Variants in TBCK observed in about 807,000 individuals in gnomAD.
The protein encoded by TBCK is TBC1 domain containing kinase, also known as TBC domain-containing protein kinase-like protein.
A neutral mutation model predicts 113.4 loss-of-function variants in TBCK; 99 were observed. The observed-to-expected ratio is 0.87, with a 90% CI of 0.74 to 1.03. TBCK has a LOEUF of 1.03. Ranked by LOEUF, TBCK falls within the 50% of genes least tolerant of loss-of-function variation. TBCK has a pLI of 0.00. For synonymous variants in TBCK, 369 were observed against 370.8 expected (o/e 1.00, Z 0.05); for missense variants, 1,045 against 1,061.3 (o/e 0.98, Z 0.21).
chr4:106,169,954 C>T (rs1750802906), intron 23 of TBCK, among the ~76,000 whole-genome samples: 1 of 152,014 alleles, frequency 6.6e-6, no homozygotes, highest in African/African-American at 2.4e-5. Flanking sequence ...TGACAGGAAG[C>T]AGCGCTCAGG....
At chr4:106,235,894 C>A (rs1759404512) in intron 14 of TBCK, among the ~76,000 whole-genome samples, 1 of 152,006 alleles carries the variant, frequency 6.6e-6, no homozygotes, top group Non-Finnish European at 1.5e-5. Context: ...TATATGCATT[C>A]AAATTGTTTT....
chr4:106,214,177 C>G (rs900059409), intron 19 of TBCK, among the ~76,000 whole-genome samples: 30 of 152,112 alleles, frequency 2.0e-4, no homozygotes, highest in Non-Finnish European at 3.7e-4. Context: ...AGAAGGAAAA[C>G]TAACAAACAG....
At chr4:106,210,706 A>G (rs1756029112) in intron 20 of TBCK, among the ~76,000 whole-genome samples, 1 of 152,166 alleles carries the variant, frequency 6.6e-6, no homozygotes, top group Non-Finnish European at 1.5e-5. Flanking sequence ...ACAGATTTAT[A>G]AACTTGTAGT....
chr4:106,134,597 T>C (rs1377913022), intron 23 of TBCK, among the ~76,000 whole-genome samples: 1 of 152,244 alleles, frequency 6.6e-6, no homozygotes, highest in Non-Finnish European at 1.5e-5. Flanking sequence ...AGATACGATG[T>C]ACTTCCATTC....
At chr4:106,133,332 T>C (rs1746179519) in intron 23 of TBCK, among the ~76,000 whole-genome samples, 1 of 152,180 alleles carries the variant, frequency 6.6e-6, no homozygotes, top group Non-Finnish European at 1.5e-5. Context: ...AGATGTGACT[T>C]TGCTCCTCAT....
chr4:106,208,896 C>T (rs1258233313), intron 20 of TBCK, among the ~76,000 whole-genome samples: 2 of 152,182 alleles, frequency 1.3e-5, no homozygotes, highest in African/African-American at 4.8e-5. Flanking sequence ...GCATTCCCCT[C>T]ATCCAGACGC....
At chr4:106,177,611 T>C (rs1438211457) in intron 22 of TBCK, among the ~76,000 whole-genome samples, 5 of 152,040 alleles carry the variant, frequency 3.3e-5, no homozygotes, top group African/African-American at 9.7e-5. Flanking sequence ...TGTATATTGT[T>C]GGCACCTGTG....
chr4:106,116,183 ACAG>A lies in TBCK; in HGVS notation c.2411+17_2411+19del. The A allele has an allele frequency of 6.2e-7, 1 of 1,611,670 alleles. No homozygotes were observed. The highest frequency in any genetic ancestry group is 8.5e-7 in the Non-Finnish European group (1 of 1,178,340). On this transcript the variant is annotated intron_variant, in intron 24 of 25. Coordinates refer to ENST00000394708, the MANE Select transcript of TBCK (RefSeq NM_001163435.3). ...CAAATAAGCAGTACCACCCTTTAAA[ACAG>A]CATATGCAAAGGATACTCTTCACTA...
intron 23 of TBCK, among the ~76,000 whole-genome samples, chr4:106,148,255 G>C (rs1054432938): frequency 6.6e-6 from 1 of 152,176 alleles, no homozygotes; most frequent in Admixed American, 6.5e-5. Context: ...TGGAGTACGT[G>C]ATCTCTGTGA....
chr4:106,206,970 C>T (rs1755572515), intron 20 of TBCK, among the ~76,000 whole-genome samples: 1 of 152,108 alleles, frequency 6.6e-6, no homozygotes, highest in East Asian at 1.9e-4. Context: ...GACAACTCTT[C>T]ATAATTTGCA....
At chr4:106,104,188 C>T (rs1049000850) in intron 24 of TBCK, among the ~76,000 whole-genome samples, 1 of 152,168 alleles carries the variant, frequency 6.6e-6, no homozygotes, top group Non-Finnish European at 1.5e-5. Context: ...TGTACATACC[C>T]GTAGGAAAGA....
intron 23 of TBCK, among the ~76,000 whole-genome samples, chr4:106,117,356 AC>A (rs1357733795): frequency 6.6e-6 from 1 of 152,216 alleles, no homozygotes; most frequent in Non-Finnish European, 1.5e-5. Flanking sequence ...TATGTGTTGG[AC>A]TTTTATAATA....
chr4:106,238,473 C>T (rs1759720943), intron 12 of TBCK: 1 of 151,890 alleles, frequency 6.6e-6, no homozygotes, highest in African/African-American at 2.4e-5. Flanking sequence ...AGATTTAGAC[C>T]ATAATGGGAT....
intron 25 of TBCK, among the ~76,000 whole-genome samples, chr4:106,049,283 G>A (rs1028819658): frequency 6.6e-6 from 1 of 152,068 alleles, no homozygotes; most frequent in African/African-American, 2.4e-5. Context: ...TTAATATGAA[G>A]TAGTATGGGT....
intron 20 of TBCK, among the ~76,000 whole-genome samples, chr4:106,209,618 A>T (rs559310109): frequency 6.6e-6 from 1 of 152,296 alleles, no homozygotes; most frequent in Admixed American, 6.5e-5. Context: ...ATAGTTACTC[A>T]ATCAGGACCA....
At chr4:106,271,356 C>G (rs1763456580) in intron 3 of TBCK, among the ~76,000 whole-genome samples, 1 of 152,110 alleles carries the variant, frequency 6.6e-6, no homozygotes, top group Non-Finnish European at 1.5e-5. Context: ...AATATGGATT[C>G]TTAATTTTAG....
chr4:106,102,815 G>T (rs1741702405), intron 24 of TBCK, among the ~76,000 whole-genome samples: 1 of 152,166 alleles, frequency 6.6e-6, no homozygotes, highest in Non-Finnish European at 1.5e-5. Flanking sequence ...GGAAGGAAAA[G>T]GTGTTAGAGA....
rs1199214433 is a variant in TBCK, at chr4:106,263,600, T to C, written c.267-1388A>G. Among the ~76,000 whole-genome samples the C allele has an allele frequency of 2.0e-5, 3 of 151,912 alleles. No individual in the cohort carries two copies. In the East Asian group the frequency reaches 5.8e-4, roughly 29 times the overall value. ...TTGATGATGGTTACATAATTTTGTT[T>C]ATCAAACTCATTAAACTTTACATAA... On this transcript the variant is annotated intron_variant, in intron 3 of 25. Coordinates refer to ENST00000394708, the MANE Select transcript of TBCK (RefSeq NM_001163435.3).
chr4:106,077,835 C>T (rs923922092), intron 25 of TBCK, among the ~76,000 whole-genome samples: 3 of 152,154 alleles, frequency 2.0e-5, no homozygotes, highest in African/African-American at 7.2e-5. Flanking sequence ...ACACTCCATC[C>T]AACAACAGAA....
Sources: gnomAD v4.1 joint callset for allele counts (sites outside exome capture counted in the v4.1 genomes callset) on GRCh38, gnomAD v4.1.1 for gene constraint, MANE v1.5 for transcripts, NCBI Gene and HGNC (gene_info 2026-07-23, HGNC 2026-07-21) for gene names.